Variants in RNF121 observed in about 807,000 individuals in gnomAD.
The protein encoded by RNF121 is E3 ubiquitin ligase RNF121.
A neutral mutation model predicts 46.5 loss-of-function variants in RNF121; 21 were observed. The ratio of observed to expected loss-of-function variants is 0.45; its 90% CI spans 0.32 to 0.65. The LOEUF is 0.65. Among genes scored for constraint, RNF121 ranks in the 30% least tolerant of loss-of-function variants. The pLI is 0.04. For synonymous variants in RNF121, 139 were observed against 144.7 expected (o/e 0.96, Z 0.28); for missense variants, 346 against 416.0 (o/e 0.83, Z 1.46).
chr11:71,930,609 A>T (rs75208362), intron 1 of RNF121, among the ~76,000 whole-genome samples: 2,614 of 152,094 alleles, frequency 0.017, 81 homozygotes, highest in African/African-American at 0.06. Flanking sequence ...GACCTCCAAG[A>T]CCCCTTCTAG....
chr11:71,944,581 C>G (rs1255436961), intron 1 of RNF121, among the ~76,000 whole-genome samples: 1 of 152,178 alleles, frequency 6.6e-6, no homozygotes, highest in African/African-American at 2.4e-5. Flanking sequence ...GGAAAGACAG[C>G]TAGGGGTCAG....
chr11:71,946,270 A>G (rs1273505209), intron 1 of RNF121, among the ~76,000 whole-genome samples: 1 of 152,242 alleles, frequency 6.6e-6, no homozygotes, highest in Non-Finnish European at 1.5e-5. Context: ...GCAATGGAAT[A>G]TTATTTAGTA....
intron 1 of RNF121, among the ~76,000 whole-genome samples, chr11:71,956,055 C>T (rs1282601446): frequency 2.0e-5 from 3 of 152,174 alleles, no homozygotes; most frequent in African/African-American, 7.2e-5. Context: ...TAAAGGATGC[C>T]TGGTAAATAT....
rs181641739 is a variant in RNF121 at position 71,962,295 on chromosome 11, T to A, written c.243+1404T>A. ...TACAACCTATTCTGAAGAAAGTGAG[T>A]ATGCATATATGCACTGCAGTAATTT... is the stretch of plus-strand genomic sequence containing the variant. On this transcript the variant is annotated intron_variant, in intron 3 of 8. Transcript: ENST00000361756. 1,111 of 984,714 alleles carry A rather than the reference T, an allele frequency of 1.1e-3. 6 individuals are homozygous for A. The highest frequency in any genetic ancestry group is 1.1e-3 in the Non-Finnish European group (912 of 829,314). 61.0% of individuals were successfully genotyped at this position (984,714 alleles called of 1,614,324 possible). A position where few individuals can be genotyped will look rare whatever the true frequency, so the allele number is the denominator to read the frequency against.
chr11:71,976,276 A>G (rs1954524107), intron 3 of RNF121, among the ~76,000 whole-genome samples: 1 of 147,838 alleles, frequency 6.8e-6, no homozygotes, highest in Non-Finnish European at 1.5e-5. Flanking sequence ...CCCTGATCCT[A>G]GGGTCCCAGA....
intron 1 of RNF121, among the ~76,000 whole-genome samples, chr11:71,932,543 A>G (rs1253569703): frequency 6.6e-6 from 1 of 152,258 alleles, no homozygotes; most frequent in Non-Finnish European, 1.5e-5. Flanking sequence ...TATATTTGAT[A>G]AGTGGCTGTG....
chr11:71,940,667 TG>T (rs1953546317), intron 1 of RNF121, among the ~76,000 whole-genome samples: 1 of 152,316 alleles, frequency 6.6e-6, no homozygotes, highest in South Asian at 2.1e-4. Context: ...GATACTGTGC[TG>T]GGGACACAAA....
intron 4 of RNF121, among the ~76,000 whole-genome samples, chr11:71,984,395 T>C (rs1364445944): frequency 6.6e-6 from 1 of 152,012 alleles, no homozygotes; most frequent in Non-Finnish European, 1.5e-5. Context: ...TTTTCCTGCC[T>C]CAGCCTCCCA....
At chr11:71,944,721 A>G (rs1953672721) in intron 1 of RNF121, among the ~76,000 whole-genome samples, 1 of 152,202 alleles carries the variant, frequency 6.6e-6, no homozygotes, top group Non-Finnish European at 1.5e-5. Context: ...TGGGTGACAC[A>G]GTGACTCGAG....
At chr11:71,961,002 A>G in intron 3 of RNF121, 111 bp downstream of exon 3, 1 of 1,230,382 alleles carries the variant, frequency 8.1e-7, no homozygotes, top group Non-Finnish European at 1.1e-6. Context: ...AAAGACAATA[A>G]CAATGAACTT....
At chr11:71,935,812 CTGAA>C (rs895939170) in intron 1 of RNF121, among the ~76,000 whole-genome samples, 1 of 150,200 alleles carries the variant, frequency 6.7e-6, no homozygotes, top group Non-Finnish European at 1.5e-5. Flanking sequence ...TAGTGAATGA[CTGAA>C]TGAATGAATG....
chr11:71,971,622 A>G (rs1193696415), intron 3 of RNF121, among the ~76,000 whole-genome samples: 1 of 152,230 alleles, frequency 6.6e-6, no homozygotes, highest in East Asian at 1.9e-4. Flanking sequence ...AAAACAGGCC[A>G]GAGATATGAA....
intron 3 of RNF121, among the ~76,000 whole-genome samples, chr11:71,981,388 A>G (rs1417820061): frequency 6.6e-6 from 1 of 152,138 alleles, no homozygotes; most frequent in Non-Finnish European, 1.5e-5. Context: ...AATGCCAGGA[A>G]ACTAGCCGCT....
chr11:71,969,519 G>A (rs1410987849), intron 3 of RNF121, among the ~76,000 whole-genome samples: 4 of 152,060 alleles, frequency 2.6e-5, no homozygotes, highest in East Asian at 1.9e-4. Context: ...TTTGTGTTAG[G>A]CATAAACGGT....
intron 3 of RNF121, among the ~76,000 whole-genome samples, chr11:71,976,441 C>T (rs1186050823): frequency 6.7e-6 from 1 of 149,788 alleles, no homozygotes; most frequent in East Asian, 2.0e-4. Context: ...CGGCAACCTC[C>T]GCCTCCCGGG....
At position 71,994,743 on chromosome 11, in the gene RNF121, A is replaced by G. The variant is rs1305461650; in HGVS notation, c.652A>G (p.Thr218Ala). 2 of 1,614,048 alleles carry G rather than the reference A, an allele frequency of 1.2e-6. No individual in the cohort carries two copies. Among genetic ancestry groups the G allele is most frequent in the Non-Finnish European group, 1.7e-6 (2 of 1,180,008 alleles). ...IGFYSESGMP[T>A]KHLSDSVCAV... The stretch of plus-strand genomic sequence containing the variant: ...GTTCTACAGCGAGTCGGGCATGCCT[A>G]CCAAACATCTTTCAGACAGTGTGTG... Residue 218 changes from threonine to alanine, a missense_variant, in exon 7 of 9, where the codon ACC becomes GCC. Physicochemically the swap from Thr to Ala is moderately conservative, Grantham distance 58 (BLOSUM62 0). This residue lies in a region of RNF121 where 286 missense variants were observed against 383.8 expected (regional missense o/e 0.75). Transcript: ENST00000361756.
At chr11:71,985,272 A>G (rs1053040555) in intron 4 of RNF121, among the ~76,000 whole-genome samples, 2 of 152,130 alleles carry the variant, frequency 1.3e-5, no homozygotes, top group Admixed American at 1.3e-4. Flanking sequence ...GTAGCATTTC[A>G]TGAACATGTA....
At chr11:71,940,652 T>C (rs145482978) in intron 1 of RNF121, among the ~76,000 whole-genome samples, 1 of 152,342 alleles carries the variant, frequency 6.6e-6, no homozygotes, top group African/African-American at 2.4e-5. Context: ...TTCTGATATA[T>C]GCTAGATACT....
chr11:71,964,914 A>G (rs1954237922), intron 3 of RNF121, among the ~76,000 whole-genome samples: 1 of 152,166 alleles, frequency 6.6e-6, no homozygotes, highest in African/African-American at 2.4e-5. Context: ...ATCAAATTGA[A>G]TTACCCACAA....
Sources: allele counts gnomAD v4.1 joint callset (sites outside exome capture counted in the v4.1 genomes callset), GRCh38; gene constraint gnomAD v4.1.1; regional missense constraint gnomAD v4.1.1; transcripts MANE v1.5; gene names NCBI Gene and HGNC (gene_info 2026-07-23, HGNC 2026-07-21).